The following HLTF variants were observed in gnomAD, a reference collection of about 807,000 sequenced individuals.
HLTF encodes the protein helicase like transcription factor, also known as DNA-dependent ATPase/E3 ubiquitin-protein ligase HLTF.
In HLTF, 127 loss-of-function variants were observed where a neutral mutation model predicts 129.4. The ratio of observed to expected loss-of-function variants is 0.98; its 90% CI spans 0.85 to 1.14. The LOEUF is 1.14. HLTF is among the 50% of genes most tolerant of loss of function. The pLI is 0.00. For synonymous variants in HLTF, 332 were observed against 388.8 expected, an observed-to-expected ratio of 0.85 and a Z score of 1.72; for missense variants, 1,139 against 1,187.1, an observed-to-expected ratio of 0.96 and a Z score of 0.60.
rs1717883560 is a variant in HLTF, at chr3:149,060,876, CAAAG to C, written c.1161-22_1161-19del. On this transcript the variant is annotated intron_variant, in intron 10 of 24. Transcript: ENST00000310053. The stretch of plus-strand genomic sequence containing the variant: ...TTTTTCTTCTAAAATTAAGTATACA[CAAAG>C]AAATTTTTGGACCAACCCAAAGCAA... 1.3e-6 allele frequency: 2 copies of C among 1,571,894 alleles called. No individual in the cohort carries two copies. Among genetic ancestry groups the C allele is most frequent in the Non-Finnish European group, 1.7e-6 (2 of 1,149,752 alleles).
chr3:149,057,019 G>A (rs1419966823), intron 13 of HLTF, among the ~76,000 whole-genome samples: 1 of 145,260 alleles, frequency 6.9e-6, no homozygotes, highest in African/African-American at 2.6e-5. Context: ...TGAGGCAGGA[G>A]AATGGCGTGA....
At chr3:149,040,411 A>C (rs1716026851) in intron 20 of HLTF, among the ~76,000 whole-genome samples, 1 of 150,052 alleles carries the variant, frequency 6.7e-6, no homozygotes, top group Admixed American at 6.7e-5. Flanking sequence ...AAGAAACCAA[A>C]AATTATAACA....
chr3:149,042,369 G>T, intron 18 of HLTF, 79 bp from the exon 19 acceptor site: 1 of 1,238,020 alleles, frequency 8.1e-7, no homozygotes, highest in East Asian at 2.4e-5. Context: ...GAGTAAAATG[G>T]CATTTTTCTT....
At chr3:149,042,021 T>C in intron 19 of HLTF, 145 bp downstream of exon 19, 1 of 680,344 alleles carries the variant, frequency 1.5e-6, no homozygotes, top group Middle Eastern at 3.8e-4. Context: ...TTATTGGATG[T>C]ATTCCTAGCT....
chr3:149,032,893 GCGGAGC>G (rs1715231617), intron 24 of HLTF, among the ~76,000 whole-genome samples: 1 of 150,980 alleles, frequency 6.6e-6, no homozygotes, highest in Admixed American at 6.6e-5. Context: ...AACCCGGGAG[GCGGAGC>G]TTGCAGTAAG....
At chr3:149,043,547 G>GGA (rs1553738373) in intron 18 of HLTF, among the ~76,000 whole-genome samples, 68 of 83,660 alleles carry the variant, frequency 8.1e-4, no homozygotes, top group African/African-American at 2.2e-3. Flanking sequence ...ACTTCAGAGG[G>GGA]AAAAAAAAAA....
chr3:149,066,017 C>G (rs1174809644), intron 8 of HLTF, among the ~76,000 whole-genome samples: 1 of 151,766 alleles, frequency 6.6e-6, no homozygotes, highest in Non-Finnish European at 1.5e-5. Context: ...AATGTTTATT[C>G]AAACATAAAG....
At chr3:149,039,983 A>T in intron 21 of HLTF, 48 bp downstream of exon 21, 1 of 1,516,506 alleles carries the variant, frequency 6.6e-7, no homozygotes, top group South Asian at 1.2e-5. Flanking sequence ...ATATTTCCTT[A>T]TATAAAGGTA....
Position 149,071,270 on chromosome 3 carries a change from TA to T in HLTF, c.875del (p.Leu292Ter). On this transcript the variant is annotated frameshift_variant, in exon 7 of 25. Coordinates refer to ENST00000310053, the MANE Select transcript of HLTF (RefSeq NM_003071.4). LOFTEE classifies it high-confidence loss of function. The stretch of plus-strand genomic sequence containing the variant: ...TAATTACCAAACCCATATCATCAGC[TA>T]AAATTCCTCCATGGACATTTTCTGG... The part of the protein sequence containing the change: ...DRPENVHGGI[L>X]ADDMGLGKTL... 6.3e-7 allele frequency: 1 copy of T among 1,584,730 alleles called. No individual in the cohort carries two copies. Among genetic ancestry groups the T allele is most frequent in the Non-Finnish European group, 8.6e-7 (1 of 1,166,346 alleles).
intron 11 of HLTF, 35 bp from the exon 12 acceptor site, chr3:149,060,722 C>T (rs778273299): frequency 1.0e-5 from 16 of 1,606,760 alleles, no homozygotes; most frequent in Middle Eastern, 1.6e-4. Context: ...TAAAAATGGG[C>T]AAAACAGGAC....
chr3:149,063,394 A>C, intron 10 of HLTF, 37 bp downstream of exon 10: 1 of 1,306,508 alleles, frequency 7.7e-7, no homozygotes, highest in South Asian at 1.2e-5. Flanking sequence ...ACAGAGTCTA[A>C]ATAAACATAT....
chr3:149,076,798 CA>C (rs1270956437), intron 2 of HLTF, among the ~76,000 whole-genome samples: 2 of 151,960 alleles, frequency 1.3e-5, no homozygotes, highest in African/African-American at 4.8e-5. Flanking sequence ...ATAAAGGCAA[CA>C]AAAAAACTAG....
At chr3:149,053,422 C>T (rs898211158) in intron 14 of HLTF, among the ~76,000 whole-genome samples, 1 of 152,166 alleles carries the variant, frequency 6.6e-6, no homozygotes, top group African/African-American at 2.4e-5. Flanking sequence ...CTTACTCCCA[C>T]TCTGGCAATG....
In HLTF at chr3:149,071,651, T is replaced by C. The variant is rs1280534532; in HGVS notation, c.634A>G (p.Thr212Ala). Residue 212 changes from threonine to alanine, a missense_variant, in exon 6 of 25, where the codon ACA becomes GCA. Transcript: ENST00000310053. ...TCTTCAAACAATTTGTCAAATTCTG[T>C]TTTAAGCTACAATAAACAGCAACAA... is the stretch of plus-strand genomic sequence containing the variant. ...AVQMTTEQLK[T>A]EFDKLFEDLK... 1.3e-6 allele frequency: 2 copies of C among 1,557,336 alleles called. No individual in the cohort carries two copies. Among genetic ancestry groups the C allele is most frequent in the Non-Finnish European group, 1.8e-6 (2 of 1,135,336 alleles).
At chr3:149,065,007 G>A in intron 8 of HLTF, 141 bp from the exon 9 acceptor site, 1 of 463,914 alleles carries the variant, frequency 2.2e-6, no homozygotes, top group Non-Finnish European at 3.8e-6. Flanking sequence ...TGAAGGGGAG[G>A]GTGAATAAGT....
intron 9 of HLTF, among the ~76,000 whole-genome samples, chr3:149,064,058 A>C (rs939358933): frequency 2.0e-5 from 3 of 152,082 alleles, no homozygotes; most frequent in African/African-American, 7.2e-5. Flanking sequence ...ATCTTCCATA[A>C]AAATCTCAAT....
intron 2 of HLTF, among the ~76,000 whole-genome samples, chr3:149,078,750 G>A (rs954361871): frequency 3.3e-5 from 5 of 151,594 alleles, no homozygotes; most frequent in East Asian, 1.9e-4. Context: ...CCAGTTACTC[G>A]GGAAGCTGAC....
At chr3:149,043,324 T>C (rs1259371527) in intron 18 of HLTF, among the ~76,000 whole-genome samples, 1 of 150,394 alleles carries the variant, frequency 6.6e-6, no homozygotes, top group East Asian at 2.0e-4. Context: ...AAAATCAAAA[T>C]TAAACAAAAA....
In HLTF at chr3:149,059,764, T is replaced by C. The variant is rs769336676; in HGVS notation, c.1329A>G (p.Ala443=). 2 of 1,604,980 alleles carry C rather than the reference T, an allele frequency of 1.2e-6. No individual in the cohort carries two copies. Among genetic ancestry groups the C allele is most frequent in the South Asian group, 2.3e-5 (2 of 88,482 alleles). Residue 443 remains alanine (A), a synonymous_variant, in exon 13 of 25, where the codon GCA becomes GCG. Coordinates refer to ENST00000310053, the MANE Select transcript of HLTF (RefSeq NM_003071.4). ...KVIEDVAFAC[A]LTSSVPTTKK... ...TTGTTGTAGGAACAGATGAAGTTAATGCACATGCAAATGCCACATCTTCTA... is the reference window on the plus strand; with the variant it reads ...TTGTTGTAGGAACAGATGAAGTTAACGCACATGCAAATGCCACATCTTCTA...
Sources: allele counts gnomAD v4.1 joint callset (sites outside exome capture counted in the v4.1 genomes callset), GRCh38; gene constraint gnomAD v4.1.1; transcripts MANE v1.5; gene names NCBI Gene and HGNC (gene_info 2026-07-23, HGNC 2026-07-21).